Variants in ZNF420 observed in about 807,000 individuals in gnomAD.
The protein encoded by ZNF420 is ATM and p53-associated KZNF protein.
Under a neutral mutation model 44.7 loss-of-function variants are expected in ZNF420, and 31 were observed. The observed-to-expected ratio is 0.69, with a 90% confidence interval of 0.52 to 0.94. The LOEUF (loss-of-function observed/expected upper bound fraction) is 0.94, where lower values mean the gene tolerates loss of function less well. Among genes scored for constraint, ZNF420 ranks in the 40% least tolerant of loss-of-function variants. The pLI is 0.00. For synonymous variants in ZNF420, 245 were observed against 267.4 expected (o/e 0.92, Z 0.82); for missense variants, 681 against 827.9 (o/e 0.82, Z 2.18).
At chr19:37,077,875 A>C (rs1393751197), upstream of ZNF420, among the ~76,000 whole-genome samples, 2 of 152,202 alleles carry the variant, frequency 1.3e-5, no homozygotes, top group African/African-American at 4.8e-5. Flanking sequence ...AAATCCCATT[A>C]CTACGCAGCT....
intron 4 of ZNF420, among the ~76,000 whole-genome samples, chr19:37,116,380 A>AG (rs1970687024): frequency 6.6e-6 from 1 of 151,812 alleles, no homozygotes; most frequent in African/African-American, 2.4e-5. Context: ...AAAAAAAAAA[A>AG]AAAAAAAAAA....
At chr19:37,055,897 G>A (rs148554297) in intron 1 of ZNF420, among the ~76,000 whole-genome samples, 25 of 152,226 alleles carry the variant, frequency 1.6e-4, no homozygotes, top group African/African-American at 5.1e-4. Context: ...CCCAAAAGTC[G>A]TGCCCCACAT....
At position 37,091,073 on chromosome 19, in the gene ZNF420, T is replaced by A; in HGVS notation, c.88T>A (p.Leu30Met). ...ATGCCTGGACTCTGCTCAGAGAGATTTGTATAGAGATGTGATGTTGGAGAA... is the reference window on the plus strand; with the variant it reads ...ATGCCTGGACTCTGCTCAGAGAGATATGTATAGAGATGTGATGTTGGAGAA... ...WECLDSAQRD[L>M]YRDVMLENYS... The change falls in exon 4 of 5, where the codon TTG (leucine) becomes ATG (methionine). Residue 30 changes from leucine (L) to methionine (M), a missense_variant. Leu to Met is a conservative substitution (Grantham distance 15, BLOSUM62 2). Transcript: ENST00000337995. 6.2e-7 allele frequency: 1 copy of A among 1,612,146 alleles called. No homozygotes were observed. The highest frequency in any genetic ancestry group is 1.1e-5 in the South Asian group (1 of 90,176).
chr19:37,043,080 G>A (rs967125285), intron 1 of ZNF420, among the ~76,000 whole-genome samples: 1 of 152,128 alleles, frequency 6.6e-6, no homozygotes, highest in Non-Finnish European at 1.5e-5. Context: ...AGTTACAACA[G>A]TTACCTCAAA....
intron 1 of ZNF420, among the ~76,000 whole-genome samples, chr19:37,018,965 AT>A (rs920243472): frequency 5.3e-5 from 8 of 152,188 alleles, no homozygotes; most frequent in Non-Finnish European, 1.2e-4. Flanking sequence ...GCATTTGGTA[AT>A]TTTTTTTGGA....
chr19:37,025,572 CAT>C (rs1209836992), intron 1 of ZNF420, among the ~76,000 whole-genome samples: 1 of 151,988 alleles, frequency 6.6e-6, no homozygotes, highest in Non-Finnish European at 1.5e-5. Context: ...CACTACCTAT[CAT>C]GTACTTGTTT....
chr19:37,089,066 C>A lies in ZNF420; in HGVS notation c.-53C>A, dbSNP rs1968987570. 3 of 1,585,832 alleles carry A rather than the reference C, an allele frequency of 1.9e-6. No homozygotes were observed. The highest frequency in any genetic ancestry group is 1.7e-5 in the Admixed American group (1 of 59,972). ...CTGCATTCTCCAGACTCTGTGCTTTCCTAAGATAGGAACCCAGAAGAGGAC... is the reference window on the plus strand; with the variant it reads ...CTGCATTCTCCAGACTCTGTGCTTTACTAAGATAGGAACCCAGAAGAGGAC... On this transcript the variant is annotated 5_prime_UTR_variant, in exon 3 of 5. Coordinates refer to ENST00000337995, the MANE Select transcript of ZNF420 (RefSeq NM_144689.5).
intron 4 of ZNF420, chr19:37,106,886 A>T (rs1006630850): frequency 1.3e-5 from 2 of 152,118 alleles, no homozygotes; most frequent in African/African-American, 2.4e-5. Context: ...GAAAACATGT[A>T]AACAAAAGTC....
At chr19:37,076,736 A>G (rs996720085), upstream of ZNF420, among the ~76,000 whole-genome samples, 1 of 152,092 alleles carries the variant, frequency 6.6e-6, no homozygotes, top group Non-Finnish European at 1.5e-5. Context: ...GTATTCCATG[A>G]TGTATATGTG....
intron 2 of ZNF420, among the ~76,000 whole-genome samples, chr19:37,083,052 G>T (rs943763462): frequency 3.9e-4 from 15 of 38,958 alleles, no homozygotes; most frequent in African/African-American, 6.7e-4. Context: ...GTAGAGACAG[G>T]GTTTCACCAT....
intron 1 of ZNF420, among the ~76,000 whole-genome samples, chr19:37,016,376 C>T (rs1035530803): frequency 5.3e-5 from 8 of 152,154 alleles, no homozygotes; most frequent in African/African-American, 9.7e-5. Context: ...AGTAGTGATC[C>T]GGTGTGGGGT....
intron 4 of ZNF420, among the ~76,000 whole-genome samples, chr19:37,117,741 T>C (rs965877600): frequency 6.6e-6 from 1 of 152,090 alleles, no homozygotes; most frequent in Non-Finnish European, 1.5e-5. Context: ...ATTATACGTA[T>C]GTATAACTAG....
chr19:37,013,100 A>G (rs1384085748), intron 1 of ZNF420, among the ~76,000 whole-genome samples: 2 of 151,986 alleles, frequency 1.3e-5, no homozygotes. Context: ...CCCCATCCTG[A>G]TAGGCCTCTT....
At chr19:37,018,119 T>C (rs1006869516) in intron 1 of ZNF420, among the ~76,000 whole-genome samples, 2 of 152,236 alleles carry the variant, frequency 1.3e-5, no homozygotes, top group African/African-American at 2.4e-5. Flanking sequence ...ACTTGTCCAA[T>C]GAAAACTACA....
intron 1 of ZNF420, among the ~76,000 whole-genome samples, chr19:37,019,003 G>T (rs1009943086): frequency 4.0e-5 from 6 of 151,678 alleles, no homozygotes; most frequent in Non-Finnish European, 8.8e-5. Context: ...GGCATCAAAA[G>T]AAAAAACAGA....
At chr19:37,019,944 G>A (rs1485183110) in intron 1 of ZNF420, among the ~76,000 whole-genome samples, 1 of 152,036 alleles carries the variant, frequency 6.6e-6, no homozygotes, top group South Asian at 2.1e-4. Context: ...TTGGCCGAGC[G>A]TGGTGGCTCA....
At chr19:37,065,960 G>T (rs1389897495) in intron 1 of ZNF420, among the ~76,000 whole-genome samples, 1 of 151,944 alleles carries the variant, frequency 6.6e-6, no homozygotes, top group African/African-American at 2.4e-5. Context: ...ATAAATCCTA[G>T]AACTAATATA....
At chr19:37,119,620 TCAGAGCAG>T (rs1018062108) in intron 4 of ZNF420, among the ~76,000 whole-genome samples, 49 of 151,532 alleles carry the variant, frequency 3.2e-4, no homozygotes, top group African/African-American at 1.2e-3. Flanking sequence ...ATAACTAAAA[TCAGAGCAG>T]AACTGAAGGA....
At chr19:37,035,745 G>A (rs1000868212) in intron 1 of ZNF420, among the ~76,000 whole-genome samples, 4 of 152,042 alleles carry the variant, frequency 2.6e-5, no homozygotes, top group Admixed American at 6.6e-5. Context: ...TAGAAGTGGA[G>A]AAAACATATG....
Sources: gnomAD v4.1 joint callset for allele counts (sites outside exome capture counted in the v4.1 genomes callset) on GRCh38, gnomAD v4.1.1 for gene constraint, MANE v1.5 for transcripts, NCBI Gene and HGNC (gene_info 2026-07-23, HGNC 2026-07-21) for gene names.